Variants in UNK observed in about 807,000 individuals in gnomAD.
UNK encodes the protein unk zinc finger.
A neutral mutation model predicts 97.6 loss-of-function variants in UNK; 32 were observed. The observed-to-expected ratio is 0.33, with a 90% CI of 0.25 to 0.44. The LOEUF (loss-of-function observed/expected upper bound fraction) is 0.44, where lower values mean the gene tolerates loss of function less well. Among genes scored for constraint, UNK ranks in the 20% least tolerant of loss-of-function variants. UNK has a pLI of 1.00. For synonymous variants in UNK, 441 were observed against 461.2 expected (o/e 0.96, Z 0.56); for missense variants, 771 against 1,098.4 (o/e 0.70, Z 4.21).
intron 1 of UNK, among the ~76,000 whole-genome samples, chr17:75,807,835 C>T (rs999349144): frequency 1.7e-4 from 26 of 152,122 alleles, no homozygotes; most frequent in Non-Finnish European, 3.1e-4. Context: ...GTGATCCGCC[C>T]GCCCCAGCTT....
At position 75,825,785 on chromosome 17, in the gene UNK, A is replaced by C. The variant is rs1046261458; in HGVS notation, c.*1368A>C. On this transcript the variant is annotated 3_prime_UTR_variant, in exon 16 of 16. Coordinates refer to ENST00000589666, the MANE Select transcript of UNK (RefSeq NM_001080419.3). The surrounding 1 kb of genome is among the most constrained non-coding windows in gnomAD (Gnocchi z 4.4). Reference sequence around the variant, plus strand: ...CAAAGCTCCAAACCTATTGGAAATAAAATATGAACTTGCAGTGGTAGCTTG... The same window carrying C: ...CAAAGCTCCAAACCTATTGGAAATACAATATGAACTTGCAGTGGTAGCTTG... 2 of 152,240 alleles carry C rather than the reference A, an allele frequency of 1.3e-5. No homozygotes were observed. The highest frequency in any genetic ancestry group is 2.9e-5 in the Non-Finnish European group (2 of 68,048). The allele number at this position is 152,240 out of a possible 1,614,324, so 9.4% of individuals were successfully genotyped here. A position where few individuals can be genotyped will look rare whatever the true frequency, so the allele number is the denominator to read the frequency against.
In UNK at chr17:75,818,246, G is replaced by C; in HGVS notation, c.1371+78G>C. The stretch of plus-strand genomic sequence containing the variant: ...AGAACCCCAGGAGGCTTCGGGGAGT[G>C]GGAGGCACCACTTTTCCCAAAAGCT... On this transcript the variant is annotated intron_variant, in intron 10 of 15. Coordinates refer to ENST00000589666, the MANE Select transcript of UNK (RefSeq NM_001080419.3). This position sits in a 1 kb window ranked among gnomAD's most constrained non-coding sequence, Gnocchi z 5.1. The C allele has an allele frequency of 1.3e-6, 2 of 1,510,530 alleles. No homozygotes were observed. Among genetic ancestry groups the C allele is most frequent in the Non-Finnish European group, 1.8e-6 (2 of 1,100,774 alleles). The allele number at this position is 1,510,530 out of a possible 1,614,324, so 93.6% of individuals were successfully genotyped here. A position where few individuals can be genotyped will look rare whatever the true frequency, so the allele number is the denominator to read the frequency against.
chr17:75,811,459 AAGCACTCAGGGGAT>A (rs2061968359), intron 2 of UNK, among the ~76,000 whole-genome samples: 1 of 152,156 alleles, frequency 6.6e-6, no homozygotes, highest in South Asian at 2.1e-4. Flanking sequence ...TAGCCTAACG[AAGCACTCAGGGGAT>A]GAAGGCTATA....
In UNK at chr17:75,816,841, T is replaced by C. The variant is rs757645109; in HGVS notation, c.1033T>C (p.Tyr345His). ...SSPTQPGPVL[Y>H]MPSAAGDSVP... ...CCCCACCCAGCCAGGTCCTGTCCTGTACATGCCATCTGCCGCCGGAGACTC... is the reference window on the plus strand; with the variant it reads ...CCCCACCCAGCCAGGTCCTGTCCTGCACATGCCATCTGCCGCCGGAGACTC... Residue 345 changes from tyrosine to histidine, a missense_variant, in exon 8 of 16, where the codon TAC becomes CAC. By Grantham distance (83) the Tyr-to-His change is moderately conservative. Transcript: ENST00000589666. This position sits in a 1 kb window ranked among gnomAD's most constrained non-coding sequence, Gnocchi z 4.0. The C allele has an allele frequency of 6.2e-7, 1 of 1,608,030 alleles. No individual in the cohort carries two copies. Among genetic ancestry groups the C allele is most frequent in the South Asian group, 1.1e-5 (1 of 90,788 alleles).
In UNK at chr17:75,812,131, A is replaced by T. The variant is rs762596019; in HGVS notation, c.334A>T (p.Thr112Ser). 8 of 1,610,148 alleles carry T rather than the reference A, an allele frequency of 5.0e-6. No homozygotes were observed. The highest frequency in any genetic ancestry group is 6.8e-6 in the Non-Finnish European group (8 of 1,177,536). ...TTCCAGGTGCCCATTCCTGCACAGAACCACAGGGGACACTGAGCGCAGGTA... is the reference window on the plus strand; with the variant it reads ...TTCCAGGTGCCCATTCCTGCACAGATCCACAGGGGACACTGAGCGCAGGTA... ...EGDECPFLHR[T>S]TGDTERRYHL... is the part of the protein sequence containing the mutation. The change falls in exon 3 of 16, where the codon ACC becomes TCC. Residue 112 changes from threonine to serine, a missense_variant. Physicochemically the swap from Thr to Ser is moderately conservative, Grantham distance 58. Coordinates refer to ENST00000589666, the MANE Select transcript of UNK (RefSeq NM_001080419.3).
intron 1 of UNK, among the ~76,000 whole-genome samples, chr17:75,786,275 A>G (rs1443077632): frequency 6.6e-6 from 1 of 152,186 alleles, no homozygotes; most frequent in African/African-American, 2.4e-5. Context: ...ACTACTGATG[A>G]GTTGAATGGT....
Position 75,819,633 on chromosome 17 carries a change from A to G in UNK, c.1547-51A>G. The G allele has an allele frequency of 1.3e-6, 2 of 1,563,060 alleles. No individual in the cohort carries two copies. Among genetic ancestry groups the G allele is most frequent in the Non-Finnish European group, 1.8e-6 (2 of 1,134,214 alleles). ...AGCGTGGGCAGTAGACGAGGTGGTC[A>G]GGGTCAGATAGTCCCTCGGGAGGTC... On this transcript the variant is annotated intron_variant, in intron 11 of 15. Transcript: ENST00000589666. The surrounding 1 kb of genome is among the most constrained non-coding windows in gnomAD (Gnocchi z 5.4).
intron 1 of UNK, among the ~76,000 whole-genome samples, chr17:75,800,282 G>A (rs968384223): frequency 6.6e-6 from 1 of 152,020 alleles, no homozygotes; most frequent in Admixed American, 6.5e-5. Flanking sequence ...CATTGCCCAG[G>A]CTGGTCTCCA....
At chr17:75,790,014 G>T (rs1229780693) in intron 1 of UNK, among the ~76,000 whole-genome samples, 2 of 152,076 alleles carry the variant, frequency 1.3e-5, no homozygotes, top group African/African-American at 4.8e-5. Context: ...ATGGTGGCGG[G>T]CGCCTGTAAT....
chr17:75,812,713 C>A, intron 4 of UNK, 128 bp downstream of exon 4: 1 of 1,372,598 alleles, frequency 7.3e-7, no homozygotes, highest in Non-Finnish European at 9.6e-7. Context: ...TCCCACCCTA[C>A]ACCCACCATT....
At chr17:75,800,648 A>G (rs1205304620) in intron 1 of UNK, among the ~76,000 whole-genome samples, 1 of 151,158 alleles carries the variant, frequency 6.6e-6, no homozygotes, top group East Asian at 2.0e-4. Context: ...GAGGCAGGAG[A>G]ATGGCATGAA....
intron 1 of UNK, among the ~76,000 whole-genome samples, chr17:75,797,574 C>G (rs571850986): frequency 6.6e-6 from 1 of 152,318 alleles, no homozygotes; most frequent in East Asian, 1.9e-4. Flanking sequence ...TTTTATAAGA[C>G]TGGCTGTAAT....
intron 1 of UNK, among the ~76,000 whole-genome samples, chr17:75,801,687 C>T (rs1423012626): frequency 1.3e-5 from 2 of 151,754 alleles, no homozygotes; most frequent in Non-Finnish European, 1.5e-5. Context: ...GCTGGGACTA[C>T]AGGCGCCCGC....
chr17:75,815,092 C>A, intron 6 of UNK, 77 bp from the exon 7 acceptor site: 1 of 1,372,654 alleles, frequency 7.3e-7, no homozygotes, highest in Non-Finnish European at 1.0e-6. Context: ...AGCCAGCGCA[C>A]TCATGCTGGA....
At chr17:75,794,204 C>G in intron 1 of UNK, 1 of 961,990 alleles carries the variant, frequency 1.0e-6, no homozygotes. Context: ...GTGAACATTT[C>G]TGTTTTTATT....
At chr17:75,798,331 A>G (rs2061825501) in intron 1 of UNK, among the ~76,000 whole-genome samples, 1 of 151,830 alleles carries the variant, frequency 6.6e-6, no homozygotes. Flanking sequence ...AGCCTCCCAA[A>G]GTGTTGGGAT....
chr17:75,808,649 C>T (rs144376665), intron 1 of UNK, among the ~76,000 whole-genome samples: 2,604 of 152,226 alleles, frequency 0.017, 35 homozygotes, highest in Middle Eastern at 0.051. Context: ...CTTCTGTTCC[C>T]TTCATGCTTC....
intron 4 of UNK, 26 bp downstream of exon 4, chr17:75,812,611 G>A (rs775329866): frequency 1.6e-5 from 25 of 1,607,162 alleles, no homozygotes; most frequent in Middle Eastern, 1.7e-4. Flanking sequence ...CCTCGGCCGC[G>A]CCCTCCCTAT....
At position 75,813,897 on chromosome 17, in the gene UNK, TG is replaced by T. The variant is rs762649660; in HGVS notation, c.876+26del. ...CCCCGAGGTGGGCCCCACAGCAGGG[TG>T]GGGGGGTGGCTTTGGGAAGTAAGGA... On this transcript the variant is annotated intron_variant, in intron 6 of 15. Coordinates refer to ENST00000589666, the MANE Select transcript of UNK (RefSeq NM_001080419.3). The T allele has an allele frequency of 2.5e-5, 39 of 1,547,456 alleles. No homozygotes were observed. The highest frequency in any genetic ancestry group is 1.7e-5 in the Non-Finnish European group (20 of 1,145,814).
Sources: allele counts gnomAD v4.1 joint callset (sites outside exome capture counted in the v4.1 genomes callset), GRCh38; gene constraint gnomAD v4.1.1; non-coding constraint Gnocchi (gnomAD v3.1); transcripts MANE v1.5; gene names NCBI Gene and HGNC (gene_info 2026-07-23, HGNC 2026-07-21).